ZCCHC17: variants seen among roughly 807,000 people sequenced by gnomAD.
ZCCHC17 encodes zinc finger CCHC-type containing 17.
ZCCHC17 carries 18 observed loss-of-function variants against 30.6 expected under a neutral mutation model. The ratio of observed to expected loss-of-function variants is 0.59; its 90% confidence interval spans 0.41 to 0.87. The LOEUF (loss-of-function observed/expected upper bound fraction) is 0.87, where lower values mean the gene tolerates loss of function less well. ZCCHC17 is among the 40% of genes least tolerant of loss of function. The pLI, the probability that ZCCHC17 is intolerant of heterozygous loss-of-function variation, is 0.00. For missense variants in ZCCHC17, 263 were observed against 284.2 expected, an observed-to-expected ratio of 0.93 and a Z score of 0.54; for synonymous variants, 88 against 92.4, an observed-to-expected ratio of 0.95 and a Z score of 0.27.
intron 3 of ZCCHC17, among the ~76,000 whole-genome samples, chr1:31,320,942 A>C (rs1222723292): frequency 6.6e-6 from 1 of 152,090 alleles, no homozygotes; most frequent in African/African-American, 2.4e-5. Flanking sequence ...CTTTGTTAAC[A>C]CTTGTTATTA....
intron 5 of ZCCHC17, among the ~76,000 whole-genome samples, chr1:31,339,404 T>G (rs1638948329): frequency 6.6e-6 from 1 of 152,156 alleles, no homozygotes; most frequent in Admixed American, 6.6e-5. Flanking sequence ...CTCGGGAGAC[T>G]GAGTCATGCA....
chr1:31,305,352 T>G (rs1646426092), intron 1 of ZCCHC17, among the ~76,000 whole-genome samples: 1 of 152,048 alleles, frequency 6.6e-6, no homozygotes, highest in Non-Finnish European at 1.5e-5. Context: ...TGATCACGGC[T>G]CAGTGCACTC....
intron 4 of ZCCHC17, 61 bp downstream of exon 4, chr1:31,337,336 T>C: frequency 7.0e-7 from 1 of 1,437,662 alleles, no homozygotes; most frequent in Non-Finnish European, 9.7e-7. Flanking sequence ...GGATTTTTGA[T>C]ATTTTATGAT....
intron 7 of ZCCHC17, among the ~76,000 whole-genome samples, chr1:31,359,505 G>A (rs1222590343): frequency 2.0e-5 from 3 of 152,140 alleles, no homozygotes; most frequent in African/African-American, 4.8e-5. Flanking sequence ...CAGCCTGAGT[G>A]ACAAAGCAAG....
At position 31,298,054 on chromosome 1, in the gene ZCCHC17, C is replaced by T. The variant is rs374522278; in HGVS notation, c.-56+979C>T. 1.4e-3 allele frequency among the ~76,000 whole-genome samples: 215 copies of T among 152,356 alleles called. 6 individuals carry two copies. In the South Asian group the frequency reaches 0.042, roughly 30 times the overall value. On this transcript the variant is annotated intron_variant, in intron 1 of 7. Coordinates refer to ENST00000344147, the MANE Select transcript of ZCCHC17 (RefSeq NM_016505.4). ...GGAGGAGGGGACTTGATCCCTCAGGCTCAGTGGTGTGAACAGACGGGGGTT... is the reference window on the plus strand; with the variant it reads ...GGAGGAGGGGACTTGATCCCTCAGGTTCAGTGGTGTGAACAGACGGGGGTT...
chr1:31,361,351 A>G (rs1639885646), intron 7 of ZCCHC17, among the ~76,000 whole-genome samples: 2 of 152,246 alleles, frequency 1.3e-5, no homozygotes, highest in South Asian at 4.1e-4. Context: ...AAAAATACAT[A>G]TAGCTCCCAC....
intron 3 of ZCCHC17, among the ~76,000 whole-genome samples, chr1:31,327,032 A>C (rs1297857112): frequency 1.3e-5 from 2 of 152,186 alleles, no homozygotes; most frequent in Non-Finnish European, 2.9e-5. Flanking sequence ...CACTGAGTTG[A>C]AGACCCCTTC....
intron 7 of ZCCHC17, among the ~76,000 whole-genome samples, chr1:31,360,623 C>T (rs1639845911): frequency 6.6e-6 from 1 of 152,224 alleles, no homozygotes; most frequent in Admixed American, 6.5e-5. Flanking sequence ...AAGGCCACCT[C>T]CTTGAGCCCT....
chr1:31,319,113 C>T lies in ZCCHC17; in HGVS notation c.71C>T (p.Ala24Val), dbSNP rs1646801421. ...ALYTIFQGEV[A>V]MVTDYGAFIK... ...TTTTTTCCCCCATCTTTATAGGTTG[C>T]TATGGTGACAGACTATGGGGCCTTT... is the stretch of plus-strand genomic sequence containing the variant. The change falls in exon 3 of 8, where the codon GCT becomes GTT. Residue 24 changes from alanine to valine, a missense_variant. Physicochemically the swap from Ala to Val is moderately conservative, Grantham distance 64 (BLOSUM62 0). Coordinates refer to ENST00000344147, the MANE Select transcript of ZCCHC17 (RefSeq NM_016505.4). The T allele has an allele frequency of 6.2e-7, 1 of 1,609,102 alleles. No homozygotes were observed. Among genetic ancestry groups the T allele is most frequent in the Non-Finnish European group, 8.5e-7 (1 of 1,176,384 alleles).
At chr1:31,332,683 G>C (rs1291803401) in intron 3 of ZCCHC17, among the ~76,000 whole-genome samples, 3 of 151,460 alleles carry the variant, frequency 2.0e-5, no homozygotes, top group African/African-American at 7.3e-5. Flanking sequence ...GTCTTGCTTT[G>C]TCACCAGGCT....
intron 3 of ZCCHC17, among the ~76,000 whole-genome samples, chr1:31,323,111 G>A (rs900494406): frequency 2.0e-5 from 3 of 152,090 alleles, no homozygotes; most frequent in Non-Finnish European, 2.9e-5. Context: ...CTCATTAAGG[G>A]ACTTAATGAA....
intron 1 of ZCCHC17, among the ~76,000 whole-genome samples, chr1:31,299,692 TC>T (rs1361873358): frequency 2.6e-5 from 4 of 152,204 alleles, no homozygotes; most frequent in African/African-American, 7.2e-5. Context: ...TAGGTGTTGT[TC>T]CTGGAAGTTC....
intron 7 of ZCCHC17, among the ~76,000 whole-genome samples, chr1:31,362,952 C>A (rs1319353921): frequency 1.3e-5 from 2 of 152,150 alleles, no homozygotes; most frequent in African/African-American, 2.4e-5. Flanking sequence ...ACACTTATTA[C>A]CAGTTTGATG....
At chr1:31,358,207 C>G (rs918545022) in intron 7 of ZCCHC17, among the ~76,000 whole-genome samples, 2 of 150,750 alleles carry the variant, frequency 1.3e-5, no homozygotes, top group African/African-American at 4.9e-5. Context: ...ATTAAGGACG[C>G]CAGTGTGGCT....
intron 5 of ZCCHC17, among the ~76,000 whole-genome samples, chr1:31,343,220 C>T (rs1034844941): frequency 1.8e-4 from 27 of 152,214 alleles, no homozygotes; most frequent in Middle Eastern, 3.4e-3. Flanking sequence ...CCACTGCGCC[C>T]GGCTAATTTT....
At position 31,320,572 on chromosome 1, in the gene ZCCHC17, T is replaced by C. The variant is rs559962372; in HGVS notation, c.124+1406T>C. ...ATTTCTTGTAAATGGAATAATGCAGTATATAGTCTTTTGTGACTGACTTCT... is the reference window on the plus strand; with the variant it reads ...ATTTCTTGTAAATGGAATAATGCAGCATATAGTCTTTTGTGACTGACTTCT... On this transcript the variant is annotated intron_variant, in intron 3 of 7. Transcript: ENST00000344147. Among the ~76,000 whole-genome samples the C allele has an allele frequency of 5.3e-5, 8 of 152,360 alleles. No homozygotes were observed. In the South Asian group the frequency reaches 1.7e-3, roughly 32 times the overall value.
intron 7 of ZCCHC17, among the ~76,000 whole-genome samples, chr1:31,351,165 A>G (rs1168612889): frequency 6.6e-6 from 1 of 152,124 alleles, no homozygotes; most frequent in African/African-American, 2.4e-5. Context: ...AATGTCAGCA[A>G]TACTCTCCCA....
chr1:31,317,668 T>C (rs1646770060), intron 2 of ZCCHC17, among the ~76,000 whole-genome samples: 1 of 152,090 alleles, frequency 6.6e-6, no homozygotes, highest in African/African-American at 2.4e-5. Context: ...TGGGTCTTGC[T>C]ATGTTATCCA....
At chr1:31,331,450 T>C (rs1211455188) in intron 3 of ZCCHC17, among the ~76,000 whole-genome samples, 1 of 151,828 alleles carries the variant, frequency 6.6e-6, no homozygotes, top group Non-Finnish European at 1.5e-5. Context: ...CCGTCCTGTA[T>C]CATAATATTC....
Sources: gnomAD v4.1 joint callset for allele counts (sites outside exome capture counted in the v4.1 genomes callset) on GRCh38, gnomAD v4.1.1 for gene constraint, MANE v1.5 for transcripts, NCBI Gene and HGNC (gene_info 2026-07-23, HGNC 2026-07-21) for gene names.